Variants in PCSK5 observed in about 807,000 individuals in gnomAD.
The protein encoded by PCSK5 is proprotein convertase subtilisin/kexin type 5.
In PCSK5, 129 loss-of-function variants were observed where a neutral mutation model predicts 233.2. The ratio of observed to expected loss-of-function variants is 0.55; its 90% CI spans 0.48 to 0.64. The LOEUF (loss-of-function observed/expected upper bound fraction) is 0.64, where lower values mean the gene tolerates loss of function less well. PCSK5 is among the 30% of genes least tolerant of loss of function. The pLI, the probability that PCSK5 is intolerant of heterozygous loss-of-function variation, is 0.00. For missense variants in PCSK5, 2,076 were observed against 2,430.1 expected (o/e 0.85, Z 3.06); for synonymous variants, 825 against 879.2 (o/e 0.94, Z 1.09).
intron 3 of PCSK5, among the ~76,000 whole-genome samples, chr9:76,021,952 C>G (rs1334202100): frequency 1.3e-5 from 2 of 152,148 alleles, no homozygotes. Context: ...CTTTCTCTTT[C>G]TTTGATACGC....
At chr9:75,917,973 T>A (rs2131248890) in intron 1 of PCSK5, among the ~76,000 whole-genome samples, 1 of 152,332 alleles carries the variant, frequency 6.6e-6, no homozygotes, top group South Asian at 2.1e-4. Context: ...AGTATGCATG[T>A]CACCTGGGAA....
intron 10 of PCSK5, among the ~76,000 whole-genome samples, chr9:76,141,215 T>G (rs1823207505): frequency 6.6e-6 from 1 of 152,058 alleles, no homozygotes; most frequent in South Asian, 2.1e-4. Context: ...CAAAATAAGA[T>G]GCCCAAAAAT....
intron 9 of PCSK5, among the ~76,000 whole-genome samples, chr9:76,124,357 C>T (rs568969298): frequency 3.3e-4 from 51 of 152,246 alleles, no homozygotes; most frequent in Non-Finnish European, 5.9e-4. Context: ...ATTTTTAGTC[C>T]TCAGAGCAAG....
chr9:75,970,591 C>T (rs1587438684), intron 2 of PCSK5, among the ~76,000 whole-genome samples: 1 of 151,966 alleles, frequency 6.6e-6, no homozygotes, highest in South Asian at 2.1e-4. Flanking sequence ...ATTCTCTCTG[C>T]TATTTTCTTT....
intron 5 of PCSK5, among the ~76,000 whole-genome samples, chr9:76,065,745 G>A (rs1400599970): frequency 1.3e-5 from 2 of 152,032 alleles, no homozygotes; most frequent in Non-Finnish European, 2.9e-5. Context: ...ATGTCCCAAA[G>A]CATTTCTTCA....
At chr9:76,049,229 G>C (rs764050353) in intron 5 of PCSK5, among the ~76,000 whole-genome samples, 47 of 152,106 alleles carry the variant, frequency 3.1e-4, no homozygotes, top group Non-Finnish European at 4.9e-4. Context: ...ATAAGCTCAT[G>C]CAAATACCAT....
chr9:75,894,241 C>A (rs758722986), intron 1 of PCSK5, among the ~76,000 whole-genome samples: 16 of 152,130 alleles, frequency 1.1e-4, no homozygotes, highest in Admixed American at 2.6e-4. Context: ...AGTAAATTTT[C>A]ACCACAGTAA....
chr9:76,133,731 G>A (rs1373456125), intron 9 of PCSK5, among the ~76,000 whole-genome samples: 1 of 152,014 alleles, frequency 6.6e-6, no homozygotes, highest in Non-Finnish European at 1.5e-5. Context: ...GAGGCCTTCT[G>A]TTTTGATTTT....
At position 76,239,041 on chromosome 9, in the gene PCSK5, C is replaced by T; in HGVS notation, c.2949C>T (p.Asn983=). 1 of 1,611,886 alleles carries T rather than the reference C, an allele frequency of 6.2e-7. No homozygotes were observed. Among genetic ancestry groups the T allele is most frequent in the South Asian group, 1.1e-5 (1 of 90,718 alleles). ...AGGGCCACTATGCCACTGAGGGGAACACCTGCCTGCCCTGCCCAGACAACT... is the reference window on the plus strand; with the variant it reads ...AGGGCCACTATGCCACTGAGGGGAATACCTGCCTGCCCTGCCCAGACAACT... ...CPEGHYATEG[N]TCLPCPDNCE... is the part of the protein sequence containing the mutation. The change falls in exon 23 of 38, where the codon AAC becomes AAT. Residue 983 remains asparagine, a synonymous_variant. Coordinates refer to ENST00000674117, the MANE Select transcript of PCSK5 (RefSeq NM_001372043.1).
At chr9:76,134,064 C>CTT (rs376221586) in intron 9 of PCSK5, 45 bp from the exon 10 acceptor site, 1,278 of 1,020,572 alleles carry the variant, frequency 1.3e-3, no homozygotes, top group African/African-American at 3.6e-3. Context: ...CTTCCCCCAT[C>CTT]TTTTTTTTTT....
rs1394713933 is a variant in PCSK5 at position 76,282,727 on chromosome 9, C to T, written c.3143-9506C>T. 3.9e-5 allele frequency among the ~76,000 whole-genome samples: 6 copies of T among 152,120 alleles called. No individual in the cohort carries two copies. The South Asian group carries it at 1.0e-3, about 26-fold the overall frequency. ...GTTTGGGGTATGAATGATCCCATCACCCAGGTAGTGAGCATAGTACCCAAT... is the reference window on the plus strand; with the variant it reads ...GTTTGGGGTATGAATGATCCCATCATCCAGGTAGTGAGCATAGTACCCAAT... On this transcript the variant is annotated intron_variant, in intron 24 of 37. Transcript: ENST00000674117.
chr9:76,093,109 G>C (rs10869691), intron 7 of PCSK5, among the ~76,000 whole-genome samples: 1 of 95,568 alleles, frequency 1.0e-5, no homozygotes, highest in East Asian at 3.5e-4. Flanking sequence ...TTTTTTTCCA[G>C]ATACAGGGTC....
upstream of PCSK5, among the ~76,000 whole-genome samples, chr9:75,889,818 G>C (rs1825484485): frequency 6.6e-6 from 1 of 152,206 alleles, no homozygotes; most frequent in Non-Finnish European, 1.5e-5. Flanking sequence ...GTGCATGATA[G>C]AGTAATGAAG....
chr9:75,921,514 A>G (rs80132655), intron 1 of PCSK5, among the ~76,000 whole-genome samples: 3,933 of 151,774 alleles, frequency 0.026, 170 homozygotes, highest in African/African-American at 0.089. Flanking sequence ...TGAAGACCCC[A>G]TTTTCAGACA....
At chr9:76,004,513 C>T (rs148706192) in intron 3 of PCSK5, among the ~76,000 whole-genome samples, 1 of 152,304 alleles carries the variant, frequency 6.6e-6, no homozygotes, top group East Asian at 1.9e-4. Flanking sequence ...ATCCTATTCC[C>T]TGTCAATTTT....
chr9:75,920,914 A>G (rs1292957699), intron 1 of PCSK5, among the ~76,000 whole-genome samples: 3 of 152,232 alleles, frequency 2.0e-5, no homozygotes, highest in Non-Finnish European at 4.4e-5. Flanking sequence ...GAATCTGATT[A>G]TACCATACAC....
chr9:76,244,787 G>A (rs12005140), intron 24 of PCSK5, among the ~76,000 whole-genome samples: 2,053 of 152,204 alleles, frequency 0.013, 49 homozygotes, highest in African/African-American at 0.047. Flanking sequence ...CTGGAAGAAA[G>A]TGTTGAATTA....
chr9:76,314,622 T>A (rs543506610), intron 30 of PCSK5, among the ~76,000 whole-genome samples: 82 of 152,090 alleles, frequency 5.4e-4, no homozygotes, highest in African/African-American at 1.9e-3. Flanking sequence ...ATATAGTACA[T>A]GTTCATGAAA....
intron 26 of PCSK5, 70 bp downstream of exon 26, chr9:76,295,481 G>T (rs1395765042): frequency 7.2e-7 from 1 of 1,394,316 alleles, no homozygotes; most frequent in East Asian, 2.3e-5. Context: ...GGGGCCACAG[G>T]AGCGCACATG....
Sources: gnomAD v4.1 joint callset for allele counts (sites outside exome capture counted in the v4.1 genomes callset) on GRCh38, gnomAD v4.1.1 for gene constraint, MANE v1.5 for transcripts, NCBI Gene and HGNC (gene_info 2026-07-23, HGNC 2026-07-21) for gene names.